Variants in ZC3H12C observed in about 807,000 individuals in gnomAD.
ZC3H12C encodes the protein zinc finger CCCH-type containing 12C, also known as probable ribonuclease ZC3H12C.
A neutral mutation model predicts 76.3 loss-of-function variants in ZC3H12C; 20 were observed. The ratio of observed to expected loss-of-function variants is 0.26; its 90% CI spans 0.18 to 0.38. ZC3H12C has a LOEUF of 0.38. ZC3H12C is among the 10% of genes least tolerant of loss of function. The probability of loss-of-function intolerance (pLI) is 1.00; values close to 1 mark genes in which losing one functional copy is unlikely to be tolerated. For missense variants in ZC3H12C, 874 were observed against 1,086.5 expected (o/e 0.80, Z 2.75); for synonymous variants, 352 against 399.6 (o/e 0.88, Z 1.42).
intron 2 of ZC3H12C, among the ~76,000 whole-genome samples, chr11:110,151,597 C>T (rs920001481): frequency 6.6e-6 from 1 of 152,184 alleles, no homozygotes; most frequent in African/African-American, 2.4e-5. Context: ...TTTCAGAAGA[C>T]TGATTTCAGT....
rs141187550 is a variant in ZC3H12C, at chr11:110,150,569, T to G, written c.774-2350T>G. Among the ~76,000 whole-genome samples, 5 of 152,260 alleles carry G rather than the reference T, an allele frequency of 3.3e-5. No individual in the cohort carries two copies. In the East Asian group the frequency reaches 9.6e-4, roughly 29 times the overall value. On this transcript the variant is annotated intron_variant, in intron 2 of 5. Transcript: ENST00000278590. ...TATGGTACAGATTCCTGATATCTGT[T>G]GAAATCTGTTCTATGACCTAGTACA... is the stretch of plus-strand genomic sequence containing the variant.
Position 110,136,988 on chromosome 11 carries a change from C to T in ZC3H12C, c.347C>T (p.Thr116Ile), listed in dbSNP as rs1174773051. 6.2e-7 allele frequency: 1 copy of T among 1,613,790 alleles called. No individual in the cohort carries two copies. The highest frequency in any genetic ancestry group is 8.5e-7 in the Non-Finnish European group (1 of 1,179,860). Reference protein sequence around the residue: ...ISVEPGLITKTHRQLCRSPCL... With the variant: ...ISVEPGLITKIHRQLCRSPCL... The stretch of plus-strand genomic sequence containing the variant: ...GTAGAGCCAGGCTTGATAACTAAGA[C>T]TCACAGACAGCTCTGCAGGTCTCCC... The change falls in exon 2 of 6, where the codon ACT becomes ATT. Residue 116 changes from threonine (T) to isoleucine (I), a missense_variant. Coordinates refer to ENST00000278590, the MANE Select transcript of ZC3H12C (RefSeq NM_033390.2).
intron 4 of ZC3H12C, among the ~76,000 whole-genome samples, chr11:110,160,675 G>A (rs1339637026): frequency 2.6e-5 from 4 of 151,838 alleles, no homozygotes; most frequent in Non-Finnish European, 4.4e-5. Flanking sequence ...CATCTCCTAT[G>A]GTAACGATGC....
At position 110,117,827 on chromosome 11, in the gene ZC3H12C, CATATA is replaced by C. The variant is rs1299802062; in HGVS notation, c.22-18830_22-18826del. Among the ~76,000 whole-genome samples, 14 of 53,664 alleles carry C rather than the reference CATATA, an allele frequency of 2.6e-4. 1 individual carries two copies. Among genetic ancestry groups the C allele is most frequent in the Non-Finnish European group, 5.2e-4 (12 of 23,154 alleles). 35.2% of individuals were successfully genotyped at this position (53,664 alleles called of 152,430 possible). A position where few individuals can be genotyped will look rare whatever the true frequency, so the allele number is the denominator to read the frequency against. On this transcript the variant is annotated intron_variant, in intron 1 of 5. Coordinates refer to ENST00000278590, the MANE Select transcript of ZC3H12C (RefSeq NM_033390.2). The stretch of plus-strand genomic sequence containing the variant: ...ATACACACATATATATACACACACA[CATATA>C]ATATATATATACACACACACATATA...
intron 3 of ZC3H12C, among the ~76,000 whole-genome samples, chr11:110,156,373 G>T (rs1020696800): frequency 2.3e-4 from 35 of 152,244 alleles, no homozygotes; most frequent in African/African-American, 8.2e-4. Flanking sequence ...ACAAGCACTA[G>T]CTATGTATCA....
rs540406606 is a variant in ZC3H12C at position 110,125,578 on chromosome 11, G to A, written c.22-11085G>A. ...AGTGATCTGCCCGCCTTGGCCTCCC[G>A]AAGTGCTGGGATTACAGGCGTGAGC... On this transcript the variant is annotated intron_variant, in intron 1 of 5. Coordinates refer to ENST00000278590, the MANE Select transcript of ZC3H12C (RefSeq NM_033390.2). Among the ~76,000 whole-genome samples, 430 of 152,106 alleles carry A rather than the reference G, an allele frequency of 2.8e-3. 2 individuals carry two copies. The highest frequency in any genetic ancestry group is 0.01 in the African/African-American group (417 of 41,498).
chr11:110,162,280 A>G (rs1271624042), intron 4 of ZC3H12C, among the ~76,000 whole-genome samples: 2 of 152,264 alleles, frequency 1.3e-5, no homozygotes, highest in African/African-American at 2.4e-5. Context: ...ACTTAAATCT[A>G]ACACAGACCT....
chr11:110,160,673 A>G lies in ZC3H12C; in HGVS notation c.1148+1183A>G, dbSNP rs139069924. On this transcript the variant is annotated intron_variant, in intron 4 of 5. Coordinates refer to ENST00000278590, the MANE Select transcript of ZC3H12C (RefSeq NM_033390.2). ...ACTATGCGTGGAGCTGTCATCTCCT[A>G]TGGTAACGATGCCTTTTGAAATACT... Among the ~76,000 whole-genome samples the G allele has an allele frequency of 1.7e-3, 263 of 152,250 alleles. 3 individuals carry two copies. Among genetic ancestry groups the G allele is most frequent in the African/African-American group, 5.8e-3 (243 of 41,554 alleles).
intron 1 of ZC3H12C, among the ~76,000 whole-genome samples, chr11:110,132,011 C>G (rs936933357): frequency 6.6e-6 from 1 of 152,130 alleles, no homozygotes; most frequent in Non-Finnish European, 1.5e-5. Flanking sequence ...AGCACTCACT[C>G]AAATACAATG....
intron 2 of ZC3H12C, among the ~76,000 whole-genome samples, chr11:110,144,635 A>T (rs1862129346): frequency 6.6e-6 from 1 of 152,212 alleles, no homozygotes; most frequent in Non-Finnish European, 1.5e-5. Flanking sequence ...TAAATAATAT[A>T]CGTATTATAT....
chr11:110,118,128 C>CAT (rs144815556), intron 1 of ZC3H12C, among the ~76,000 whole-genome samples: 12 of 147,606 alleles, frequency 8.1e-5, no homozygotes, highest in Admixed American at 6.1e-4. Context: ...TTTATACACA[C>CAT]ATATATATAT....
In ZC3H12C at chr11:110,167,092, T is replaced by C. The variant is rs968645133; in HGVS notation, c.*1355T>C. The C allele has an allele frequency of 6.6e-6, 1 of 152,178 alleles. No individual in the cohort carries two copies. The highest frequency in any genetic ancestry group is 6.5e-5 in the Admixed American group (1 of 15,276). 9.4% of individuals were successfully genotyped at this position (152,178 alleles called of 1,614,324 possible). A position where few individuals can be genotyped will look rare whatever the true frequency, so the allele number is the denominator to read the frequency against. On this transcript the variant is annotated 3_prime_UTR_variant, in exon 6 of 6. Transcript: ENST00000278590. ...AGATTTTGCAGTCAGTGGCAGACAG[T>C]TGTGTGATTGACATCACTTGACTGT...
chr11:110,156,012 G>A (rs1374126005), intron 3 of ZC3H12C, among the ~76,000 whole-genome samples: 1 of 152,152 alleles, frequency 6.6e-6, no homozygotes, highest in Non-Finnish European at 1.5e-5. Context: ...AGTACACTGT[G>A]TAAGTGTGTC....
At chr11:110,115,240 G>A (rs955708549) in intron 1 of ZC3H12C, among the ~76,000 whole-genome samples, 5 of 151,776 alleles carry the variant, frequency 3.3e-5, no homozygotes, top group African/African-American at 1.2e-4. Flanking sequence ...TTCAGTAGTG[G>A]AACTACAGGC....
chr11:110,109,398 G>A (rs185390441), intron 1 of ZC3H12C, among the ~76,000 whole-genome samples: 3 of 152,188 alleles, frequency 2.0e-5, no homozygotes, highest in Non-Finnish European at 1.5e-5. Flanking sequence ...AAAGATTTAT[G>A]CAGAAATGGC....
At chr11:110,130,103 T>C (rs954297961) in intron 1 of ZC3H12C, among the ~76,000 whole-genome samples, 1 of 152,212 alleles carries the variant, frequency 6.6e-6, no homozygotes, top group Non-Finnish European at 1.5e-5. Context: ...TATATTAAAA[T>C]ATAATGAAAG....
chr11:110,147,081 G>A (rs1054036792), intron 2 of ZC3H12C, among the ~76,000 whole-genome samples: 3 of 152,158 alleles, frequency 2.0e-5, no homozygotes, highest in African/African-American at 7.2e-5. Flanking sequence ...TGAGGCCAGG[G>A]CACTCCCTTA....
chr11:110,101,226 T>C (rs1340674293), intron 1 of ZC3H12C, among the ~76,000 whole-genome samples: 1 of 152,128 alleles, frequency 6.6e-6, no homozygotes, highest in Non-Finnish European at 1.5e-5. Context: ...AGAAAAAAAG[T>C]TCAAAGCTAG....
chr11:110,097,481 C>CTGCA (rs1461085333), intron 1 of ZC3H12C, among the ~76,000 whole-genome samples: 1 of 152,188 alleles, frequency 6.6e-6, no homozygotes, highest in African/African-American at 2.4e-5. Context: ...ACTTGGTTTA[C>CTGCA]TGCATTGTGG....
Sources: gnomAD v4.1 joint callset for allele counts (sites outside exome capture counted in the v4.1 genomes callset) on GRCh38, gnomAD v4.1.1 for gene constraint, MANE v1.5 for transcripts, NCBI Gene and HGNC (gene_info 2026-07-23, HGNC 2026-07-21) for gene names.